RASAL2: variants seen among roughly 807,000 people sequenced by gnomAD.
The protein encoded by RASAL2 is RAS protein activator like 2, also known as ras GTPase-activating protein nGAP.
RASAL2 carries 58 observed loss-of-function variants against 128.9 expected under a neutral mutation model. The observed-to-expected ratio is 0.45, with a 90% CI of 0.36 to 0.56. RASAL2 has a LOEUF of 0.56. RASAL2 is among the 20% of genes least tolerant of loss of function. The pLI is 0.00. For synonymous variants in RASAL2, 561 were observed against 580.8 expected (o/e 0.97, Z 0.49); for missense variants, 1,360 against 1,601.6 (o/e 0.85, Z 2.57).
intron 3 of RASAL2, among the ~76,000 whole-genome samples, chr1:178,326,937 C>G (rs750145845): frequency 6.6e-6 from 1 of 152,076 alleles, no homozygotes; most frequent in East Asian, 1.9e-4. Context: ...AGTGATGATT[C>G]GTTCTTTCTG....
intron 5 of RASAL2, among the ~76,000 whole-genome samples, chr1:178,429,958 C>T (rs184133815): frequency 6.6e-6 from 1 of 152,194 alleles, no homozygotes; most frequent in Admixed American, 6.6e-5. Context: ...TACCCCACCC[C>T]CCAACTACCT....
intron 3 of RASAL2, among the ~76,000 whole-genome samples, chr1:178,371,393 G>A (rs1385907811): frequency 7.5e-6 from 1 of 133,444 alleles, no homozygotes; most frequent in African/African-American, 2.9e-5. Flanking sequence ...TTCTTTCCTC[G>A]CAAAGAAAGA....
intron 1 of RASAL2, among the ~76,000 whole-genome samples, chr1:178,161,531 G>A (rs1418528752): frequency 3.9e-5 from 6 of 152,024 alleles, no homozygotes; most frequent in African/African-American, 1.5e-4. Context: ...TGGACATTTG[G>A]GTTTTTTCTA....
chr1:178,392,701 G>T (rs1161546709), intron 4 of RASAL2, among the ~76,000 whole-genome samples: 1 of 152,038 alleles, frequency 6.6e-6, no homozygotes, highest in Non-Finnish European at 1.5e-5. Flanking sequence ...TTCAATAGAA[G>T]GCCAGCCCAG....
At chr1:178,467,800 G>A (rs1572133561) in intron 17 of RASAL2, among the ~76,000 whole-genome samples, 1 of 152,194 alleles carries the variant, frequency 6.6e-6, no homozygotes, top group Admixed American at 6.5e-5. Context: ...TGCTGTTCAT[G>A]GTCTTGTCAG....
chr1:178,320,549 T>C (rs546970337), intron 3 of RASAL2, among the ~76,000 whole-genome samples: 319 of 152,244 alleles, frequency 2.1e-3, no homozygotes, highest in Non-Finnish European at 3.8e-3. Context: ...GGGAGTGACC[T>C]GATTTTCCAG....
At chr1:178,214,815 C>T (rs1172504457) in intron 1 of RASAL2, among the ~76,000 whole-genome samples, 1 of 152,074 alleles carries the variant, frequency 6.6e-6, no homozygotes, top group Non-Finnish European at 1.5e-5. Context: ...GCCTCGGCCT[C>T]TGAAAGTGCA....
chr1:178,251,773 C>CCA (rs1221818576), intron 1 of RASAL2, among the ~76,000 whole-genome samples: 2 of 152,158 alleles, frequency 1.3e-5, no homozygotes, highest in Non-Finnish European at 2.9e-5. Context: ...GCTTATCAGT[C>CCA]TAGTAGGGAA....
intron 3 of RASAL2, among the ~76,000 whole-genome samples, chr1:178,337,339 C>T (rs1669637626): frequency 6.6e-6 from 1 of 152,114 alleles, no homozygotes; most frequent in South Asian, 2.1e-4. Context: ...TCCCATCATA[C>T]AAAAATGAAA....
At chr1:178,264,333 G>A (rs1665839820) in intron 1 of RASAL2, among the ~76,000 whole-genome samples, 2 of 151,968 alleles carry the variant, frequency 1.3e-5, no homozygotes, top group East Asian at 1.9e-4. Context: ...ATGTATTCAC[G>A]TACGCATACA....
At chr1:178,472,883 A>G (rs1648400241) in intron 17 of RASAL2, among the ~76,000 whole-genome samples, 192 bp from the exon 18 acceptor site, 1 of 152,214 alleles carries the variant, frequency 6.6e-6, no homozygotes. Flanking sequence ...AGAAAAAAAT[A>G]AACACAGATC....
At chr1:178,461,937 T>C (rs1345201653) in intron 14 of RASAL2, among the ~76,000 whole-genome samples, 1 of 152,238 alleles carries the variant, frequency 6.6e-6, no homozygotes, top group Non-Finnish European at 1.5e-5. Flanking sequence ...GTGAAACTGC[T>C]GCATCAGGCT....
At chr1:178,445,382 T>G in intron 8 of RASAL2, 136 bp from the exon 9 acceptor site, 2 of 1,019,994 alleles carry the variant, frequency 2.0e-6, no homozygotes, top group Non-Finnish European at 1.4e-6. Flanking sequence ...TCCTGATTGC[T>G]TTTTTTCCTT....
intron 3 of RASAL2, among the ~76,000 whole-genome samples, chr1:178,349,966 G>T (rs1670372270): frequency 6.6e-6 from 1 of 152,074 alleles, no homozygotes; most frequent in South Asian, 2.1e-4. Flanking sequence ...TCTTGAACAT[G>T]CCCGTCTTAT....
chr1:178,258,468 G>T (rs1665492939), intron 1 of RASAL2, among the ~76,000 whole-genome samples: 1 of 152,128 alleles, frequency 6.6e-6, no homozygotes, highest in Admixed American at 6.6e-5. Flanking sequence ...TGAGTAGATA[G>T]TTCTCTAAGG....
intron 1 of RASAL2, among the ~76,000 whole-genome samples, chr1:178,147,479 C>CAAAAAAAAAAAAAAAAAAA (rs71297899): frequency 1.2e-5 from 1 of 82,972 alleles, no homozygotes; most frequent in African/African-American, 4.2e-5. Flanking sequence ...GACTCCGTCT[C>CAAAAAAAAAAAAAAAAAAA]AAAAAAAAAA....
chr1:178,117,248 T>C (rs1659551489), intron 1 of RASAL2, among the ~76,000 whole-genome samples: 1 of 152,234 alleles, frequency 6.6e-6, no homozygotes, highest in Non-Finnish European at 1.5e-5. Context: ...GTAATTTTTA[T>C]GATTTAACCT....
At chr1:178,304,021 A>G (rs527401639) in intron 3 of RASAL2, among the ~76,000 whole-genome samples, 1 of 152,302 alleles carries the variant, frequency 6.6e-6, no homozygotes, top group South Asian at 2.1e-4. Flanking sequence ...TTGGGTAGGA[A>G]TTACACAGGT....
intron 1 of RASAL2, among the ~76,000 whole-genome samples, chr1:178,094,992 A>G (rs1434615687): frequency 6.6e-6 from 1 of 152,204 alleles, no homozygotes; most frequent in Non-Finnish European, 1.5e-5. Context: ...CCAGGCAATC[A>G]ATCTTCAAGA....
Sources: gnomAD v4.1 joint callset for allele counts (sites outside exome capture counted in the v4.1 genomes callset) on GRCh38, gnomAD v4.1.1 for gene constraint, MANE v1.5 for transcripts, NCBI Gene and HGNC (gene_info 2026-07-23, HGNC 2026-07-21) for gene names.